Variants in SZT2 observed in about 807,000 individuals in gnomAD.
SZT2 encodes the protein SZT2 subunit of KICSTOR complex, also known as KICSTOR complex protein SZT2.
SZT2 carries 216 observed loss-of-function variants against 404.2 expected under a neutral mutation model. The ratio of observed to expected loss-of-function variants is 0.53; its 90% CI spans 0.48 to 0.60. The LOEUF is 0.60. SZT2 is among the 20% of genes least tolerant of loss of function. SZT2 has a pLI of 0.00. For missense variants in SZT2, 3,857 were observed against 4,459.2 expected (o/e 0.86, Z 3.85); for synonymous variants, 1,693 against 1,749.9 (o/e 0.97, Z 0.81).
At position 43,427,289 on chromosome 1, in the gene SZT2, C is replaced by A. The variant is rs755949728; in HGVS notation, c.3442C>A (p.Arg1148Ser). The change falls in exon 25 of 72, where the codon CGT (arginine) becomes AGT (serine). Residue 1148 changes from arginine to serine, a missense_variant. Around this residue, in one of 7 missense-constraint regions of SZT2, gnomAD observed 1,725 missense variants for 1,881.0 expected, o/e 0.92. Coordinates refer to ENST00000634258, the MANE Select transcript of SZT2 (RefSeq NM_001365999.1). ...FLPATFSDVQRLAACGLEGPP... is the reference protein window; with the variant it reads ...FLPATFSDVQSLAACGLEGPP... ...TGTCTGATCCTCTTCAGATGTCCAG[C>A]GTCTGGCTGCCTGTGGCCTGGAGGG... 2 of 1,608,906 alleles carry A rather than the reference C, an allele frequency of 1.2e-6. No homozygotes were observed. Among genetic ancestry groups the A allele is most frequent in the Non-Finnish European group, 1.7e-6 (2 of 1,177,406 alleles).
intron 11 of SZT2, 143 bp from the exon 12 acceptor site, chr1:43,421,940 G>C: frequency 1.2e-6 from 1 of 853,116 alleles, no homozygotes; most frequent in Non-Finnish European, 1.7e-6. Context: ...GTTTTTGCCT[G>C]TGCTTCAGGC....
intron 1 of SZT2, among the ~76,000 whole-genome samples, chr1:43,394,776 G>A (rs1380960510): frequency 6.6e-6 from 1 of 152,066 alleles, no homozygotes; most frequent in African/African-American, 2.4e-5. Flanking sequence ...TACTCGGAAG[G>A]CTGAGGCAGG....
At position 43,440,546 on chromosome 1, in the gene SZT2, C is replaced by T. The variant is rs763437171; in HGVS notation, c.7304C>T (p.Pro2435Leu). The change falls in exon 52 of 72, where the codon CCA becomes CTA. Residue 2435 changes from proline to leucine, a missense_variant. Pro to Leu is a moderately conservative substitution (Grantham distance 98). This residue lies in a region of SZT2 where 573 missense variants were observed against 592.4 expected (regional missense o/e 0.97). Transcript: ENST00000634258. ...PAPVPGEPVT[P>L]PSKAGRRSFW... ...CCTGTCCCTGGGGAGCCTGTGACTCCACCCAGCAAAGCGGGCCGGCGTAGC... is the reference window on the plus strand; with the variant it reads ...CCTGTCCCTGGGGAGCCTGTGACTCTACCCAGCAAAGCGGGCCGGCGTAGC... 3 of 1,607,820 alleles carry T rather than the reference C, an allele frequency of 1.9e-6. No individual in the cohort carries two copies. In the South Asian group the frequency reaches 3.3e-5, roughly 18 times the overall value.
In SZT2 at chr1:43,453,946, G is replaced by A. The variant is rs1343804656; in HGVS notation, c.*3466G>A. 36 of 1,200,306 alleles carry A rather than the reference G, an allele frequency of 3.0e-5. No individual in the cohort carries two copies. The highest frequency in any genetic ancestry group is 1.8e-4 in the Admixed American group (4 of 22,556). 74.4% of individuals were successfully genotyped at this position (1,200,306 alleles called of 1,614,324 possible). On this transcript the variant is annotated 3_prime_UTR_variant, in exon 72 of 72. Coordinates refer to ENST00000634258, the MANE Select transcript of SZT2 (RefSeq NM_001365999.1). ...GAAAAGCGAAGTGCTGTAAAAACCC[G>A]GGCCTTCACGAAAAGCGCCTACGGT...
intron 1 of SZT2, among the ~76,000 whole-genome samples, chr1:43,399,493 CG>C (rs1649410804): frequency 7.5e-6 from 1 of 133,518 alleles, no homozygotes; most frequent in African/African-American, 3.0e-5. Flanking sequence ...TTTTTTGAGA[CG>C]GAGTCTCGCT....
At chr1:43,428,555 A>G in intron 28 of SZT2, 69 bp downstream of exon 28, 1 of 1,563,630 alleles carries the variant, frequency 6.4e-7, no homozygotes, top group South Asian at 1.2e-5. Context: ...AGGACCTTCC[A>G]GTCCAGGGGA....
chr1:43,424,260 A>G lies in SZT2; in HGVS notation c.2299A>G (p.Thr767Ala), dbSNP rs1336772064. ...PLDYRAPFLLTLEPPGPLPLV... is the reference protein window; with the variant it reads ...PLDYRAPFLLALEPPGPLPLV... ...GGACTACCGGGCACCCTTCTTGCTGACATTGGAGCCACCAGGTCCACTGCC... is the reference window on the plus strand; with the variant it reads ...GGACTACCGGGCACCCTTCTTGCTGGCATTGGAGCCACCAGGTCCACTGCC... Residue 767 changes from threonine (T) to alanine (A), a missense_variant, in exon 16 of 72, where the codon ACA (threonine) becomes GCA (alanine). This residue lies in a region of SZT2 where 1,725 missense variants were observed against 1,881.0 expected (regional missense o/e 0.92). Coordinates refer to ENST00000634258, the MANE Select transcript of SZT2 (RefSeq NM_001365999.1). The surrounding 1 kb of genome is among the most constrained non-coding windows in gnomAD (Gnocchi z 4.1). 1.3e-6 allele frequency: 2 copies of G among 1,597,820 alleles called. No individual in the cohort carries two copies. Among genetic ancestry groups the G allele is most frequent in the Non-Finnish European group, 1.7e-6 (2 of 1,179,548 alleles).
intron 4 of SZT2, among the ~76,000 whole-genome samples, chr1:43,407,298 G>A (rs763809777): frequency 3.9e-5 from 6 of 152,160 alleles, no homozygotes; most frequent in Admixed American, 6.5e-5. Flanking sequence ...GAGGCCAAGC[G>A]TTTGAGACCA....
chr1:43,451,542 G>A lies in SZT2; in HGVS notation c.*1062G>A. The A allele has an allele frequency of 6.2e-7, 1 of 1,614,034 alleles. No homozygotes were observed. The highest frequency in any genetic ancestry group is 8.5e-7 in the Non-Finnish European group (1 of 1,179,978). On this transcript the variant is annotated 3_prime_UTR_variant, in exon 72 of 72. Transcript: ENST00000634258. The stretch of plus-strand genomic sequence containing the variant: ...CCTGGGACCTGTGCCACCTGCACAT[G>A]CCCTGGGGACAGATGTGGACAAATG...
chr1:43,443,738 T>G lies in SZT2; in HGVS notation c.8767T>G (p.Tyr2923Asp). 1 of 1,614,212 alleles carries G rather than the reference T, an allele frequency of 6.2e-7. No homozygotes were observed. Among genetic ancestry groups the G allele is most frequent in the Non-Finnish European group, 8.5e-7 (1 of 1,180,042 alleles). The change falls in exon 62 of 72, where the codon TAT (tyrosine) becomes GAT (aspartate). Residue 2923 changes from tyrosine to aspartate, a missense_variant. Coordinates refer to ENST00000634258, the MANE Select transcript of SZT2 (RefSeq NM_001365999.1). ...SLAFLQQYVQ[Y>D]LQSIGFVLVP... Reference sequence around the variant, plus strand: ...GGCTTTCCTGCAGCAATATGTGCAGTATCTGCAGAGCATAGGTTTTGTGCT... The same window carrying G: ...GGCTTTCCTGCAGCAATATGTGCAGGATCTGCAGAGCATAGGTTTTGTGCT...
chr1:43,450,649 CA>C lies in SZT2; in HGVS notation c.*170del. ...TTGAGGGTCTGCTGCCCCAGCCTGG[CA>C]GCAGGAACCGCCCTCCCCAAACACC... On this transcript the variant is annotated 3_prime_UTR_variant, in exon 72 of 72. Transcript: ENST00000634258. This position sits in a 1 kb window ranked among gnomAD's most constrained non-coding sequence, Gnocchi z 4.3. 3 of 1,040,186 alleles carry C rather than the reference CA, an allele frequency of 2.9e-6. No homozygotes were observed. Among genetic ancestry groups the C allele is most frequent in the Non-Finnish European group, 4.2e-6 (3 of 719,700 alleles). 64.4% of individuals were successfully genotyped at this position (1,040,186 alleles called of 1,614,324 possible).
At chr1:43,408,932 G>A (rs1171883377) in intron 4 of SZT2, among the ~76,000 whole-genome samples, 1 of 152,190 alleles carries the variant, frequency 6.6e-6, no homozygotes, top group Non-Finnish European at 1.5e-5. Context: ...AGAGAAGTGG[G>A]CATGTGGGGC....
rs60480887 is a variant in SZT2 at position 43,439,987 on chromosome 1, C to T, written c.7149C>T (p.Ala2383=). ...KLRGAARQAL[A]DAIIELQLLP... ...GAGGAGCAGCTCGCCAGGCCCTGGCCGATGCCATCATCGAGCTTCAGCTGC... is the reference window on the plus strand; with the variant it reads ...GAGGAGCAGCTCGCCAGGCCCTGGCTGATGCCATCATCGAGCTTCAGCTGC... The change falls in exon 51 of 72, where the codon GCC becomes GCT. Residue 2383 remains alanine, a synonymous_variant. Coordinates refer to ENST00000634258, the MANE Select transcript of SZT2 (RefSeq NM_001365999.1). The surrounding 1 kb of genome is among the most constrained non-coding windows in gnomAD (Gnocchi z 4.2). 1.6e-4 allele frequency: 257 copies of T among 1,614,108 alleles called. No homozygotes were observed. In the African/African-American group the frequency reaches 3.1e-3, roughly 20 times the overall value.
At position 43,427,588 on chromosome 1, in the gene SZT2, C is replaced by G. The variant is rs111604978; in HGVS notation, c.3657C>G (p.Tyr1219Ter). The G allele has an allele frequency of 6.2e-7, 1 of 1,614,230 alleles. No homozygotes were observed. The highest frequency in any genetic ancestry group is 1.1e-5 in the South Asian group (1 of 91,080). The part of the protein sequence containing the change: ...SPPFRRDLQA[Y>*]AGRQASQTES... ...CATTCCGTCGAGACTTACAGGCTTACGCTGGGCGTCAGGCTTCCCAGACAG... is the reference window on the plus strand; with the variant it reads ...CATTCCGTCGAGACTTACAGGCTTAGGCTGGGCGTCAGGCTTCCCAGACAG... The change falls in exon 26 of 72, where the codon TAC becomes TAG. Residue 1219 changes from tyrosine (Y) to a stop codon, truncating the protein, a stop_gained. Coordinates refer to ENST00000634258, the MANE Select transcript of SZT2 (RefSeq NM_001365999.1). LOFTEE classifies it high-confidence loss of function.
intron 1 of SZT2, among the ~76,000 whole-genome samples, chr1:43,400,584 T>C (rs974186406): frequency 7.2e-5 from 11 of 152,146 alleles, no homozygotes; most frequent in African/African-American, 2.7e-4. Context: ...GTAAAAAACT[T>C]GTATAGGGCA....
rs1021834590 is a variant in SZT2, at chr1:43,451,724, A to G, written c.*1244A>G. The G allele has an allele frequency of 2.5e-6, 4 of 1,613,940 alleles. No individual in the cohort carries two copies. The highest frequency in any genetic ancestry group is 1.3e-5 in the African/African-American group (1 of 74,916). ...TCTGCCAGTGGAATATGTCCTAGGG[A>G]AGAGGATACTACATTCCGAGACCCC... On this transcript the variant is annotated 3_prime_UTR_variant, in exon 72 of 72. Coordinates refer to ENST00000634258, the MANE Select transcript of SZT2 (RefSeq NM_001365999.1).
At position 43,447,076 on chromosome 1, in the gene SZT2, T is replaced by C; in HGVS notation, c.9194T>C (p.Leu3065Pro). The change falls in exon 66 of 72, where the codon CTG becomes CCG. Residue 3065 changes from leucine (L) to proline (P), a missense_variant. Physicochemically the swap from Leu to Pro is moderately conservative, Grantham distance 98. Around this residue, in one of 7 missense-constraint regions of SZT2, gnomAD observed 717 missense variants for 868.2 expected, o/e 0.83. Coordinates refer to ENST00000634258, the MANE Select transcript of SZT2 (RefSeq NM_001365999.1). ...CACGTGCTAGGTGCCCATCTGGTGC[T>C]GCGGCACGGCTACCACCTCACCACC... is the stretch of plus-strand genomic sequence containing the variant. ...HQHVLGAHLV[L>P]RHGYHLTTFL... The C allele has an allele frequency of 6.2e-7, 1 of 1,613,990 alleles. No homozygotes were observed. The highest frequency in any genetic ancestry group is 8.5e-7 in the Non-Finnish European group (1 of 1,180,022).
rs764807579 is a variant in SZT2, at chr1:43,427,469, G to A, written c.3598+24G>A. 10 of 1,612,056 alleles carry A rather than the reference G, an allele frequency of 6.2e-6. No homozygotes were observed. In the African/African-American group the frequency reaches 6.7e-5, roughly 11 times the overall value. On this transcript the variant is annotated intron_variant, in intron 25 of 71. Coordinates refer to ENST00000634258, the MANE Select transcript of SZT2 (RefSeq NM_001365999.1). ...TGGTAAGGCTGCCGACTCAAGGTGG[G>A]CAGGAGTGGGAGTGGGAAACAGATA...
At position 43,450,255 on chromosome 1, in the gene SZT2, G is replaced by A; in HGVS notation, c.10156-82G>A. On this transcript the variant is annotated intron_variant, in intron 71 of 71. Coordinates refer to ENST00000634258, the MANE Select transcript of SZT2 (RefSeq NM_001365999.1). This position sits in a 1 kb window ranked among gnomAD's most constrained non-coding sequence, Gnocchi z 4.3. ...CACCTCGGAGCCTGCTGAGGTTGGG[G>A]TGCCCACCCTTTCTGAGCCCTGCCT... 3.1e-6 allele frequency: 5 copies of A among 1,613,562 alleles called. No homozygotes were observed. The highest frequency in any genetic ancestry group is 1.7e-5 in the Admixed American group (1 of 60,016).
Sources: gnomAD v4.1 joint callset for allele counts (sites outside exome capture counted in the v4.1 genomes callset) on GRCh38, gnomAD v4.1.1 for gene constraint, gnomAD v4.1.1 regional missense constraint, Gnocchi (gnomAD v3.1) non-coding constraint, MANE v1.5 for transcripts, NCBI Gene and HGNC (gene_info 2026-07-23, HGNC 2026-07-21) for gene names.